ZSWIM8: variants seen among roughly 807,000 people sequenced by gnomAD.
ZSWIM8 encodes the protein zinc finger SWIM domain-containing protein 8.
ZSWIM8 carries 27 observed loss-of-function variants against 173.7 expected under a neutral mutation model. That is an observed-to-expected ratio of 0.16 (90% CI 0.11 to 0.21). The LOEUF (loss-of-function observed/expected upper bound fraction) is 0.21. ZSWIM8 is among the 10% of genes least tolerant of loss of function. The pLI, the probability that ZSWIM8 is intolerant of heterozygous loss-of-function variation, is 1.00. For synonymous variants in ZSWIM8, 958 were observed against 962.0 expected (o/e 1.00, Z 0.08); for missense variants, 1,627 against 2,428.8 (o/e 0.67, Z 6.94).
intron 15 of ZSWIM8, 22 bp from the exon 16 acceptor site, chr10:73,796,734 TGTCACTGCTTCTCTGGAG>T (rs2083679203): frequency 6.2e-7 from 1 of 1,605,328 alleles, no homozygotes; most frequent in Non-Finnish European, 8.5e-7. Context: ...AAGGGCATCC[TGTCACTGCTTCTCTGGAG>T]GTCACTGCTT....
chr10:73,789,632 C>A lies in ZSWIM8; in HGVS notation c.631-85C>A. On this transcript the variant is annotated intron_variant, in intron 4 of 25. Transcript: ENST00000604729. This position sits in a 1 kb window ranked among gnomAD's most constrained non-coding sequence, Gnocchi z 6.8. Reference sequence around the variant, plus strand: ...GGCTACAATGTGAGCCCCCTCGCCTCGCCTACTCTGCCTCTCTGTCCCCCA... The same window carrying A: ...GGCTACAATGTGAGCCCCCTCGCCTAGCCTACTCTGCCTCTCTGTCCCCCA... 1 of 1,547,852 alleles carries A rather than the reference C, an allele frequency of 6.5e-7. No homozygotes were observed. Among genetic ancestry groups the A allele is most frequent in the South Asian group, 1.2e-5 (1 of 84,358 alleles).
chr10:73,787,301 G>A (rs2083262444), intron 1 of ZSWIM8, among the ~76,000 whole-genome samples: 1 of 152,166 alleles, frequency 6.6e-6, no homozygotes, highest in African/African-American at 2.4e-5. Context: ...TTGGAGAGAG[G>A]ATATGGCCTG....
rs748238483 is a variant in ZSWIM8 at position 73,793,939 on chromosome 10, G to A, written c.2520G>A (p.Leu840=). Reference sequence around the variant, plus strand: ...ACACCCTGAGCAAGGCGGCCTTCCTGTTGACAGTGCTAAGTGAGCGTCCAG... The same window carrying A: ...ACACCCTGAGCAAGGCGGCCTTCCTATTGACAGTGCTAAGTGAGCGTCCAG... ...ATNTLSKAAF[L]LTVLSERPEH... is the part of the protein sequence containing the mutation. Residue 840 remains leucine (L), a synonymous_variant, in exon 12 of 26, where the codon CTG becomes CTA. Transcript: ENST00000604729. 4 of 1,613,540 alleles carry A rather than the reference G, an allele frequency of 2.5e-6. No individual in the cohort carries two copies. The highest frequency in any genetic ancestry group is 1.1e-5 in the South Asian group (1 of 91,018).
chr10:73,799,948 G>A (rs2083857197), intron 21 of ZSWIM8, 63 bp from the exon 22 acceptor site: 2 of 1,545,366 alleles, frequency 1.3e-6, no homozygotes, highest in African/African-American at 1.4e-5. Flanking sequence ...TTGTGGGGGT[G>A]AAGCACGACA....
rs777929651 is a variant in ZSWIM8, at chr10:73,793,954, T to C, written c.2535T>C (p.Ser845=). Residue 845 remains serine, a synonymous_variant, in exon 12 of 26, where the codon AGT becomes AGC. Transcript: ENST00000604729. ...SKAAFLLTVL[S]ERPEHHNLAF... is the part of the protein sequence containing the mutation. ...CGGCCTTCCTGTTGACAGTGCTAAG[T>C]GAGCGTCCAGAGCACCACAACCTGG... is the stretch of plus-strand genomic sequence containing the variant. 3 of 1,613,442 alleles carry C rather than the reference T, an allele frequency of 1.9e-6. No individual in the cohort carries two copies. The Admixed American group carries it at 5.0e-5, about 27-fold the overall frequency.
At position 73,800,233 on chromosome 10, in the gene ZSWIM8, G is replaced by A. The variant is rs2083873571; in HGVS notation, c.4825+63G>A. On this transcript the variant is annotated intron_variant, in intron 22 of 25. Transcript: ENST00000604729. This position sits in a 1 kb window ranked among gnomAD's most constrained non-coding sequence, Gnocchi z 4.1. Reference sequence around the variant, plus strand: ...AGGCACACTGGGCAGGGGAGGTGGGGAGGGAATGTTCTTTGTCTCTCTTTG... The same window carrying A: ...AGGCACACTGGGCAGGGGAGGTGGGAAGGGAATGTTCTTTGTCTCTCTTTG... 2.2e-5 allele frequency: 36 copies of A among 1,611,440 alleles called. No individual in the cohort carries two copies. Among genetic ancestry groups the A allele is most frequent in the Non-Finnish European group, 3.1e-5 (36 of 1,178,100 alleles).
Position 73,797,219 on chromosome 10 carries a change from C to T in ZSWIM8, c.3381C>T (p.Gly1127=). ...PSRLALGSRG[G]YNGRGWGSPG... ...GCTTGGCACTTGGCAGTCGTGGAGG[C>T]TATAATGGACGGGGATGGGGGTCCC... The change falls in exon 17 of 26, where the codon GGC becomes GGT. Residue 1127 remains glycine (G), a synonymous_variant. Transcript: ENST00000604729. This position sits in a 1 kb window ranked among gnomAD's most constrained non-coding sequence, Gnocchi z 5.6. 6.2e-7 allele frequency: 1 copy of T among 1,613,996 alleles called. No individual in the cohort carries two copies. Among genetic ancestry groups the T allele is most frequent in the Non-Finnish European group, 8.5e-7 (1 of 1,179,870 alleles).
In ZSWIM8 at chr10:73,792,233, G is replaced by A. The variant is rs775856273; in HGVS notation, c.1694G>A (p.Arg565His). Reference protein sequence around the residue: ...GVPSSQRGPRRLSAEGGDKAL... With the variant: ...GVPSSQRGPRHLSAEGGDKAL... ...CCCTCATCACAGCGGGGTCCCCGCC[G>A]CCTCTCAGCTGAAGGGGGAGATAAA... The change falls in exon 10 of 26, where the codon CGC (arginine) becomes CAC (histidine). Residue 565 changes from arginine (R) to histidine (H), a missense_variant. By Grantham distance (29) the Arg-to-His change is conservative (BLOSUM62 0). Transcript: ENST00000604729. This position sits in a 1 kb window ranked among gnomAD's most constrained non-coding sequence, Gnocchi z 4.3. The A allele has an allele frequency of 7.7e-6, 12 of 1,559,454 alleles. No homozygotes were observed. The highest frequency in any genetic ancestry group is 2.7e-5 in the African/African-American group (2 of 73,378).
intron 21 of ZSWIM8, 111 bp from the exon 22 acceptor site, chr10:73,799,900 G>C: frequency 2.4e-6 from 2 of 850,802 alleles, no homozygotes; most frequent in Non-Finnish European, 3.6e-6. Context: ...AGGACAGAGC[G>C]AGACTCTATC....
chr10:73,793,800 CCTT>C, intron 11 of ZSWIM8, 62 bp from the exon 12 acceptor site: 1 of 1,530,434 alleles, frequency 6.5e-7, no homozygotes, highest in Non-Finnish European at 8.8e-7. Context: ...GTGAGAGCAT[CCTT>C]CTACCTCCAC....
At chr10:73,787,644 G>A (rs1261260285) in intron 1 of ZSWIM8, among the ~76,000 whole-genome samples, 3 of 152,106 alleles carry the variant, frequency 2.0e-5, no homozygotes, top group African/African-American at 7.2e-5. Context: ...TTGTGGTCAG[G>A]AGTTTGAGAC....
intron 20 of ZSWIM8, 129 bp downstream of exon 20, chr10:73,798,582 T>C (rs150852257): frequency 1.4e-4 from 117 of 835,236 alleles, no homozygotes; most frequent in Middle Eastern, 3.5e-4. Flanking sequence ...GGTCCTCTCA[T>C]GGCAACATTT....
At position 73,800,328 on chromosome 10, in the gene ZSWIM8, G is replaced by T. The variant is rs1204153544; in HGVS notation, c.4858G>T (p.Ala1620Ser). The T allele has an allele frequency of 3.1e-6, 5 of 1,613,866 alleles. No individual in the cohort carries two copies. Among genetic ancestry groups the T allele is most frequent in the East Asian group, 2.2e-5 (1 of 44,878 alleles). ...TGTCCATCCAGCATCCACGTTTCCA[G>T]CCATCCAAGGTGCCTCACTGCCTGC... ...SSVHPASTFP[A>S]IQGASLPALT... The change falls in exon 23 of 26, where the codon GCC becomes TCC. Residue 1620 changes from alanine to serine, a missense_variant. By Grantham distance (99) the Ala-to-Ser change is moderately conservative. Around this residue, in one of 18 missense-constraint regions of ZSWIM8, gnomAD observed 275 missense variants for 290.1 expected, o/e 0.95. Transcript: ENST00000604729. The surrounding 1 kb of genome is among the most constrained non-coding windows in gnomAD (Gnocchi z 4.1).
rs2083355252 is a variant in ZSWIM8, at chr10:73,789,888, G to A, written c.738+64G>A. 2 of 1,587,606 alleles carry A rather than the reference G, an allele frequency of 1.3e-6. No homozygotes were observed. The highest frequency in any genetic ancestry group is 2.3e-5 in the East Asian group (1 of 43,510). ...GGCCAGGCCGCATAACAGCCTTCCT[G>A]TTAGGCCCAGGCCTCCATGGGTTCA... On this transcript the variant is annotated intron_variant, in intron 5 of 25. Transcript: ENST00000604729. This position sits in a 1 kb window ranked among gnomAD's most constrained non-coding sequence, Gnocchi z 6.8.
At position 73,789,844 on chromosome 10, in the gene ZSWIM8, C is replaced by G. The variant is rs751724717; in HGVS notation, c.738+20C>G. On this transcript the variant is annotated intron_variant, in intron 5 of 25. Coordinates refer to ENST00000604729, the MANE Select transcript of ZSWIM8 (RefSeq NM_001367799.1). The surrounding 1 kb of genome is among the most constrained non-coding windows in gnomAD (Gnocchi z 6.8). Reference sequence around the variant, plus strand: ...CAGCAGGTGGGTGAGGTCGGCACCCCCTCCTGCAATTAGCTCCGGGCCAGG... The same window carrying G: ...CAGCAGGTGGGTGAGGTCGGCACCCGCTCCTGCAATTAGCTCCGGGCCAGG... 5.0e-6 allele frequency: 8 copies of G among 1,592,908 alleles called. No homozygotes were observed. The highest frequency in any genetic ancestry group is 2.3e-5 in the East Asian group (1 of 43,754).
chr10:73,799,136 C>A lies in ZSWIM8; in HGVS notation c.4311C>A (p.Ser1437=), dbSNP rs767155386. 1 of 1,613,308 alleles carries A rather than the reference C, an allele frequency of 6.2e-7. No homozygotes were observed. The highest frequency in any genetic ancestry group is 2.2e-5 in the East Asian group (1 of 44,864). The change falls in exon 21 of 26, where the codon TCC becomes TCA. Residue 1437 remains serine (S), a synonymous_variant. Coordinates refer to ENST00000604729, the MANE Select transcript of ZSWIM8 (RefSeq NM_001367799.1). The part of the protein sequence containing the change: ...WLYEQTAGGS[S]TAREGATSCS... Reference sequence around the variant, plus strand: ...ATGAGCAAACTGCAGGTGGCTCATCCACAGCCCGTGAAGGGGCTACAAGCT... The same window carrying A: ...ATGAGCAAACTGCAGGTGGCTCATCAACAGCCCGTGAAGGGGCTACAAGCT...
rs367710825 is a variant in ZSWIM8 at position 73,799,987 on chromosome 10, C to T, written c.4666-24C>T. 6 of 1,608,394 alleles carry T rather than the reference C, an allele frequency of 3.7e-6. No homozygotes were observed. The African/African-American group carries it at 5.3e-5, about 14-fold the overall frequency. On this transcript the variant is annotated intron_variant, in intron 21 of 25. Transcript: ENST00000604729. The stretch of plus-strand genomic sequence containing the variant: ...ACATCCTAATCAAGTTTGGCATCTT[C>T]CCCTTTCTTCTCCCTGCCCCTAGGG...
Position 73,800,663 on chromosome 10 carries a change from G to A in ZSWIM8, c.5026G>A (p.Gly1676Ser), listed in dbSNP as rs952898252. The A allele has an allele frequency of 1.2e-6, 2 of 1,613,710 alleles. No individual in the cohort carries two copies. The highest frequency in any genetic ancestry group is 1.7e-5 in the Admixed American group (1 of 59,984). Reference sequence around the variant, plus strand: ...AGGAATGCTGGCACTGGAGATGCTGGGTCGCCGGGCACACAACGATCACCC... The same window carrying A: ...AGGAATGCTGGCACTGGAGATGCTGAGTCGCCGGGCACACAACGATCACCC... ...RVGMLALEML[G>S]RRAHNDHPNN... Residue 1676 changes from glycine to serine, a missense_variant, in exon 24 of 26, where the codon GGT (glycine) becomes AGT (serine). Gly to Ser is a moderately conservative substitution (Grantham distance 56). Coordinates refer to ENST00000604729, the MANE Select transcript of ZSWIM8 (RefSeq NM_001367799.1). This position sits in a 1 kb window ranked among gnomAD's most constrained non-coding sequence, Gnocchi z 4.1.
At chr10:73,786,625 A>G (rs1001388694) in intron 1 of ZSWIM8, 1 of 152,604 alleles carries the variant, frequency 6.6e-6, no homozygotes, top group African/African-American at 2.4e-5. Flanking sequence ...TCCCAGAAGC[A>G]CCAAGAAGGG....
Sources: allele counts gnomAD v4.1 joint callset (sites outside exome capture counted in the v4.1 genomes callset), GRCh38; gene constraint gnomAD v4.1.1; regional missense constraint gnomAD v4.1.1; non-coding constraint Gnocchi (gnomAD v3.1); transcripts MANE v1.5; gene names NCBI Gene and HGNC (gene_info 2026-07-23, HGNC 2026-07-21).